LRMDA: variants seen among roughly 807,000 people sequenced by gnomAD.
The protein encoded by LRMDA is leucine-rich melanocyte differentiation-associated protein.
Under a neutral mutation model 29.8 loss-of-function variants are expected in LRMDA, and 18 were observed. The ratio of observed to expected loss-of-function variants is 0.60; its 90% CI spans 0.42 to 0.90. The LOEUF is 0.90. Among genes scored for constraint, LRMDA ranks in the 40% least tolerant of loss-of-function variants. The pLI is 0.00. For synonymous variants in LRMDA, 125 were observed against 109.4 expected, an observed-to-expected ratio of 1.14 and a Z score of -0.89; for missense variants, 273 against 273.9, an observed-to-expected ratio of 1.00 and a Z score of 0.02.
At chr10:75,976,360 C>T (rs913687545) in intron 2 of LRMDA, among the ~76,000 whole-genome samples, 3 of 152,226 alleles carry the variant, frequency 2.0e-5, no homozygotes, top group African/African-American at 4.8e-5. Flanking sequence ...ATTGCCTTCT[C>T]GAACACTCAT....
intron 5 of LRMDA, among the ~76,000 whole-genome samples, chr10:76,276,005 G>GAATC (rs1268686163): frequency 9.5e-5 from 12 of 125,792 alleles, no homozygotes; most frequent in Middle Eastern, 4.1e-3. Context: ...ACAATCTAGT[G>GAATC]AATCTATCTA....
chr10:75,507,977 G>A (rs1845187267), intron 2 of LRMDA, among the ~76,000 whole-genome samples: 1 of 152,164 alleles, frequency 6.6e-6, no homozygotes, highest in Non-Finnish European at 1.5e-5. Flanking sequence ...TTTTAATTGT[G>A]TTGAGATTTC....
chr10:76,037,913 G>A (rs921337992), intron 3 of LRMDA, among the ~76,000 whole-genome samples: 5 of 152,072 alleles, frequency 3.3e-5, no homozygotes, highest in African/African-American at 1.2e-4. Context: ...AGAAGGGGAG[G>A]GCCTACATGT....
intron 5 of LRMDA, among the ~76,000 whole-genome samples, chr10:76,219,092 C>T (rs887168289): frequency 3.9e-5 from 6 of 152,084 alleles, no homozygotes; most frequent in Admixed American, 2.0e-4. Flanking sequence ...CCAGGCCTGC[C>T]CTAAAAGAAC....
intron 6 of LRMDA, among the ~76,000 whole-genome samples, chr10:76,368,069 C>G (rs998155033): frequency 1.3e-4 from 19 of 151,956 alleles, no homozygotes; most frequent in African/African-American, 4.3e-4. Context: ...TTTCATTTAT[C>G]TTTTGTATTA....
At chr10:75,636,912 C>G (rs1466549898) in intron 2 of LRMDA, among the ~76,000 whole-genome samples, 2 of 151,974 alleles carry the variant, frequency 1.3e-5, no homozygotes, top group Non-Finnish European at 2.9e-5. Context: ...GAAACAAAAA[C>G]AGAAAACAAC....
intron 2 of LRMDA, among the ~76,000 whole-genome samples, chr10:75,730,437 T>C (rs961892167): frequency 1.3e-5 from 2 of 152,188 alleles, no homozygotes; most frequent in African/African-American, 2.4e-5. Context: ...CTGGAGATCC[T>C]ATTCTGGGCA....
intron 2 of LRMDA, among the ~76,000 whole-genome samples, chr10:76,019,565 T>C (rs980682759): frequency 6.6e-6 from 1 of 152,208 alleles, no homozygotes; most frequent in Non-Finnish European, 1.5e-5. Context: ...TCTTTATTAT[T>C]GAAATAATGA....
At chr10:75,821,461 G>A (rs1382309767) in intron 2 of LRMDA, among the ~76,000 whole-genome samples, 2 of 152,174 alleles carry the variant, frequency 1.3e-5, no homozygotes, top group Non-Finnish European at 2.9e-5. Flanking sequence ...ATAACATCCA[G>A]CATCTCTTCA....
intron 2 of LRMDA, among the ~76,000 whole-genome samples, chr10:75,776,897 G>A (rs1207192955): frequency 6.6e-6 from 1 of 152,166 alleles, no homozygotes; most frequent in Non-Finnish European, 1.5e-5. Flanking sequence ...TTGTAGATCC[G>A]ATATGACGTT....
chr10:75,500,841 C>T (rs184644979), intron 2 of LRMDA, among the ~76,000 whole-genome samples: 1 of 152,194 alleles, frequency 6.6e-6, no homozygotes, highest in Non-Finnish European at 1.5e-5. Flanking sequence ...TCACCTCCCA[C>T]CAGGTCCCTC....
intron 2 of LRMDA, among the ~76,000 whole-genome samples, chr10:75,584,104 C>CT (rs1840628399): frequency 6.6e-6 from 1 of 152,284 alleles, no homozygotes; most frequent in Non-Finnish European, 1.5e-5. Flanking sequence ...AGACTTTACT[C>CT]TAAGACAATA....
chr10:76,081,296 C>A (rs1179983638), intron 5 of LRMDA, among the ~76,000 whole-genome samples: 1 of 152,002 alleles, frequency 6.6e-6, no homozygotes, highest in Non-Finnish European at 1.5e-5. Flanking sequence ...GGAAACATGG[C>A]AAAATCCTAT....
chr10:75,446,685 T>C (rs1844400775), intron 2 of LRMDA, among the ~76,000 whole-genome samples: 1 of 152,262 alleles, frequency 6.6e-6, no homozygotes, highest in African/African-American at 2.4e-5. Flanking sequence ...AGTTACTTGT[T>C]AATGCAGCAT....
intron 2 of LRMDA, among the ~76,000 whole-genome samples, chr10:75,518,791 G>A (rs1258125971): frequency 1.3e-5 from 2 of 152,158 alleles, no homozygotes; most frequent in Admixed American, 6.6e-5. Context: ...TAATTGTGAT[G>A]TTAGGGTGTC....
chr10:76,475,513 A>G (rs1842659454), intron 6 of LRMDA, among the ~76,000 whole-genome samples: 1 of 152,096 alleles, frequency 6.6e-6, no homozygotes, highest in Non-Finnish European at 1.5e-5. Context: ...TAACAAGGAT[A>G]TCCAGGAATT....
At chr10:75,437,894 G>A (rs1360828372) in intron 1 of LRMDA, among the ~76,000 whole-genome samples, 1 of 152,120 alleles carries the variant, frequency 6.6e-6, no homozygotes, top group African/African-American at 2.4e-5. Flanking sequence ...TTTGTGGTCT[G>A]GGGAGGTTTT....
intron 2 of LRMDA, among the ~76,000 whole-genome samples, chr10:75,873,146 G>C (rs958993115): frequency 6.6e-6 from 1 of 152,032 alleles, no homozygotes; most frequent in Non-Finnish European, 1.5e-5. Flanking sequence ...ACCCAGAGCT[G>C]GTCAACATGA....
chr10:76,126,130 C>A (rs1248631647), intron 5 of LRMDA, among the ~76,000 whole-genome samples: 1 of 152,188 alleles, frequency 6.6e-6, no homozygotes, highest in Non-Finnish European at 1.5e-5. Flanking sequence ...CATTCCCGGA[C>A]TGCCTCAGAG....
Sources: allele counts gnomAD v4.1 joint callset (sites outside exome capture counted in the v4.1 genomes callset), GRCh38; gene constraint gnomAD v4.1.1; transcripts MANE v1.5; gene names NCBI Gene and HGNC (gene_info 2026-07-23, HGNC 2026-07-21).